The following ANO3 variants were observed in gnomAD, a reference collection of about 807,000 sequenced individuals.
ANO3 encodes the protein anoctamin-3.
ANO3 carries 99 observed loss-of-function variants against 144.8 expected under a neutral mutation model. The observed-to-expected ratio is 0.68, with a 90% CI of 0.58 to 0.81. The LOEUF is 0.81. Among genes scored for constraint, ANO3 ranks in the 30% least tolerant of loss-of-function variants. The pLI is 0.00. For synonymous variants in ANO3, 414 were observed against 392.6 expected (o/e 1.05, Z -0.64); for missense variants, 905 against 1,202.2 (o/e 0.75, Z 3.66).
At chr11:26,587,401 T>G (rs1480445229) in intron 14 of ANO3, among the ~76,000 whole-genome samples, 1 of 152,176 alleles carries the variant, frequency 6.6e-6, no homozygotes, top group African/African-American at 2.4e-5. Context: ...TGCTTCTGCT[T>G]CATCTGTTTG....
At chr11:26,357,526 G>GTT (rs752454747) in intron 1 of ANO3, among the ~76,000 whole-genome samples, 4 of 145,622 alleles carry the variant, frequency 2.7e-5, no homozygotes, top group Non-Finnish European at 4.6e-5. Flanking sequence ...AATTTTTTCT[G>GTT]TTTTTTTTTT....
intron 14 of ANO3, chr11:26,571,999 A>G: frequency 1.3e-6 from 1 of 769,944 alleles, no homozygotes; most frequent in Non-Finnish European, 1.6e-6. Flanking sequence ...AGAGAGTGAA[A>G]GAGAGAAAGC....
chr11:26,525,545 G>GA, intron 6 of ANO3, 90 bp from the exon 7 acceptor site: 1 of 1,036,958 alleles, frequency 9.6e-7, no homozygotes, highest in Non-Finnish European at 1.5e-6. Flanking sequence ...TTGGAGTATA[G>GA]AAATGCTCAA....
chr11:26,281,650 C>G (rs1332465380), intron 1 of ANO3, among the ~76,000 whole-genome samples: 1 of 152,032 alleles, frequency 6.6e-6, no homozygotes, highest in Non-Finnish European at 1.5e-5. Flanking sequence ...CTAACAGGTA[C>G]AGGTGCAATT....
rs572637375 is a variant in ANO3, at chr11:26,620,064, T to C, written c.1837-4398T>C. 5.2e-4 allele frequency among the ~76,000 whole-genome samples: 79 copies of C among 152,316 alleles called. No homozygotes were observed. The Middle Eastern group carries it at 0.014, about 26-fold the overall frequency. On this transcript the variant is annotated intron_variant, in intron 17 of 26. Transcript: ENST00000256737. ...AGCTAAACAACTACAAAGACAGAAT[T>C]TGAAACCGAGAATTGCTCTTTCCTA...
chr11:26,359,625 C>T (rs921686296), intron 1 of ANO3, among the ~76,000 whole-genome samples: 1 of 151,964 alleles, frequency 6.6e-6, no homozygotes, highest in Non-Finnish European at 1.5e-5. Context: ...TCCTTAGAGT[C>T]TCTTCTCTGT....
At chr11:26,353,587 C>G (rs2133915583) in intron 1 of ANO3, among the ~76,000 whole-genome samples, 1 of 152,246 alleles carries the variant, frequency 6.6e-6, no homozygotes, top group African/African-American at 2.4e-5. Flanking sequence ...TCCTTTCTTT[C>G]TTTGGATGGA....
At chr11:26,482,426 ATGTGTGTGTGTGTGTGTGTGTGTGTG>A (rs58664691) in intron 4 of ANO3, among the ~76,000 whole-genome samples, 5 of 141,046 alleles carry the variant, frequency 3.5e-5, no homozygotes, top group African/African-American at 1.1e-4. Context: ...ACACAGATAT[ATGTGTGTGTGTGTGTGTGTGTGTGTG>A]TGTGTGTGTG....
At chr11:26,303,319 T>TA (rs560496484) in intron 1 of ANO3, among the ~76,000 whole-genome samples, 69 of 149,748 alleles carry the variant, frequency 4.6e-4, no homozygotes, top group Middle Eastern at 3.4e-3. Context: ...TGGACTGATT[T>TA]AAAAAAAAAA....
chr11:26,208,058 G>A (rs372748256), intron 1 of ANO3: 1 of 152,134 alleles, frequency 6.6e-6, no homozygotes, highest in Non-Finnish European at 1.5e-5. Flanking sequence ...GACCCTTCTT[G>A]CTGTGTCCTC....
chr11:26,619,305 T>G (rs1024491379), intron 17 of ANO3, among the ~76,000 whole-genome samples: 3 of 152,162 alleles, frequency 2.0e-5, no homozygotes, highest in African/African-American at 7.2e-5. Context: ...ATGGCATTCC[T>G]AAATAAATAT....
At chr11:26,325,002 C>T (rs1222122118) in intron 1 of ANO3, among the ~76,000 whole-genome samples, 1 of 152,128 alleles carries the variant, frequency 6.6e-6, no homozygotes, top group Admixed American at 6.5e-5. Context: ...GTAACAAAAT[C>T]TGATTTGGGA....
At chr11:26,643,491 C>T (rs1037761469) in intron 23 of ANO3, among the ~76,000 whole-genome samples, 157 bp downstream of exon 23, 5 of 152,046 alleles carry the variant, frequency 3.3e-5, no homozygotes, top group Admixed American at 3.3e-4. Context: ...CGTGGTGGCT[C>T]ACTCCTGTAA....
At chr11:26,295,932 T>C (rs930389537) in intron 1 of ANO3, among the ~76,000 whole-genome samples, 8 of 152,252 alleles carry the variant, frequency 5.3e-5, no homozygotes, top group African/African-American at 1.9e-4. Flanking sequence ...TAGATGTTTC[T>C]GTTTTTATTC....
At chr11:26,287,868 A>C (rs1853845057) in intron 1 of ANO3, 1 of 152,200 alleles carries the variant, frequency 6.6e-6, no homozygotes, top group African/African-American at 2.4e-5. Flanking sequence ...GATGAGTTGA[A>C]ACTCACATTT....
Position 26,656,422 on chromosome 11 carries a change from T to C in ANO3, c.2704T>C (p.Phe902Leu). ...GPPWSSKPYE[F>L]TLQYWHILAA... Reference sequence around the variant, plus strand: ...GCCCTGGAGTTCCAAACCCTATGAGTTTACTTTACAATACTGGCATATCCT... The same window carrying C: ...GCCCTGGAGTTCCAAACCCTATGAGCTTACTTTACAATACTGGCATATCCT... The change falls in exon 26 of 27, where the codon TTT (phenylalanine) becomes CTT (leucine). Residue 902 changes from phenylalanine to leucine, a missense_variant. Physicochemically the swap from Phe to Leu is conservative, Grantham distance 22. Coordinates refer to ENST00000256737, the MANE Select transcript of ANO3 (RefSeq NM_031418.4). The C allele has an allele frequency of 6.2e-7, 1 of 1,612,508 alleles. No homozygotes were observed. The highest frequency in any genetic ancestry group is 8.5e-7 in the Non-Finnish European group (1 of 1,178,634).
intron 1 of ANO3, among the ~76,000 whole-genome samples, chr11:26,343,301 G>A (rs1016350664): frequency 2.0e-5 from 3 of 152,108 alleles, no homozygotes; most frequent in Non-Finnish European, 4.4e-5. Context: ...ATCTTTCAGT[G>A]AACATACATG....
intron 1 of ANO3, among the ~76,000 whole-genome samples, chr11:26,227,055 T>C (rs962334226): frequency 2.6e-5 from 4 of 152,186 alleles, no homozygotes; most frequent in Non-Finnish European, 5.9e-5. Context: ...ATATTATTTG[T>C]CCTTTTGTGA....
intron 17 of ANO3, among the ~76,000 whole-genome samples, chr11:26,601,934 T>C (rs2132938227): frequency 6.6e-6 from 1 of 152,250 alleles, no homozygotes; most frequent in South Asian, 2.1e-4. Context: ...ACCCAGGATC[T>C]TATAGTCTAG....
Sources: allele counts gnomAD v4.1 joint callset (sites outside exome capture counted in the v4.1 genomes callset), GRCh38; gene constraint gnomAD v4.1.1; transcripts MANE v1.5; gene names NCBI Gene and HGNC (gene_info 2026-07-23, HGNC 2026-07-21).